The following CTNNA3 variants were observed in gnomAD, a reference collection of about 807,000 sequenced individuals.
CTNNA3 encodes the protein catenin alpha 3.
Under a neutral mutation model 95.7 loss-of-function variants are expected in CTNNA3, and 76 were observed. The ratio of observed to expected loss-of-function variants is 0.79; its 90% CI spans 0.66 to 0.96. The LOEUF (loss-of-function observed/expected upper bound fraction) is 0.96, where lower values mean the gene tolerates loss of function less well. Among genes scored for constraint, CTNNA3 ranks in the 40% least tolerant of loss-of-function variants. CTNNA3 has a pLI of 0.00. For missense variants in CTNNA3, 1,191 were observed against 1,089.8 expected, an observed-to-expected ratio of 1.09 and a Z score of -1.31; for synonymous variants, 431 against 374.4, an observed-to-expected ratio of 1.15 and a Z score of -1.74.
At chr10:67,579,341 A>C (rs903627931) in intron 3 of CTNNA3, among the ~76,000 whole-genome samples, 2 of 151,710 alleles carry the variant, frequency 1.3e-5, no homozygotes, top group African/African-American at 2.4e-5. Context: ...GCTCAGAATG[A>C]TGGTTACCAG....
intron 12 of CTNNA3, among the ~76,000 whole-genome samples, chr10:66,284,079 A>G (rs895867531): frequency 7.2e-5 from 11 of 151,908 alleles, no homozygotes; most frequent in Non-Finnish European, 1.6e-4. Flanking sequence ...TTTGGAGTGT[A>G]GATTTATCAA....
In CTNNA3 at chr10:67,521,893, C is replaced by T; in HGVS notation, c.528G>A (p.Lys176=). 1 of 1,612,952 alleles carries T rather than the reference C, an allele frequency of 6.2e-7. No individual in the cohort carries two copies. The highest frequency in any genetic ancestry group is 8.5e-7 in the Non-Finnish European group (1 of 1,179,156). ...NKSDLQKTYQ[K]LGKELENLDY... ...CCAAATTTTCCAGCTCCTTCCCAAG[C>T]TTCTGGTAGGTTTTCTGGAGGTCAG... Residue 176 remains lysine, a synonymous_variant, in exon 5 of 18, where the codon AAG becomes AAA. Transcript: ENST00000433211.
chr10:67,646,627 A>G (rs571349141), intron 2 of CTNNA3, among the ~76,000 whole-genome samples: 146 of 152,250 alleles, frequency 9.6e-4, no homozygotes, highest in African/African-American at 3.3e-3. Context: ...TATTTAAATT[A>G]TCTGAGGAAA....
At chr10:67,687,705 C>A (rs1205124144) in intron 1 of CTNNA3, among the ~76,000 whole-genome samples, 1 of 152,138 alleles carries the variant, frequency 6.6e-6, no homozygotes, top group Non-Finnish European at 1.5e-5. Flanking sequence ...AATCAATTGA[C>A]CCTCGAGTGG....
intron 7 of CTNNA3, among the ~76,000 whole-genome samples, chr10:66,945,811 G>T (rs1176703250): frequency 6.6e-6 from 1 of 152,128 alleles, no homozygotes; most frequent in South Asian, 2.1e-4. Flanking sequence ...TTTCAACTTT[G>T]ATGTGTCTCA....
At chr10:67,248,688 A>G (rs1865995586) in intron 5 of CTNNA3, among the ~76,000 whole-genome samples, 1 of 152,126 alleles carries the variant, frequency 6.6e-6, no homozygotes, top group Admixed American at 6.6e-5. Flanking sequence ...CAGCCTCCTG[A>G]AAGTGCTGGA....
chr10:66,381,209 A>C (rs1226884020), intron 11 of CTNNA3, among the ~76,000 whole-genome samples: 1 of 152,118 alleles, frequency 6.6e-6, no homozygotes, highest in Non-Finnish European at 1.5e-5. Flanking sequence ...TCCTGTGGGC[A>C]TATTAGAACC....
At chr10:67,670,767 C>A (rs1840415145) in intron 1 of CTNNA3, among the ~76,000 whole-genome samples, 1 of 152,160 alleles carries the variant, frequency 6.6e-6, no homozygotes, top group Non-Finnish European at 1.5e-5. Context: ...TCCCTGTTCT[C>A]AGTTCCATTC....
intron 9 of CTNNA3, among the ~76,000 whole-genome samples, chr10:66,624,434 G>A (rs896679169): frequency 1.3e-5 from 2 of 152,126 alleles, no homozygotes; most frequent in African/African-American, 4.8e-5. Context: ...CATACTCTCA[G>A]AGGTTTTGTA....
chr10:67,366,714 C>T (rs1025900157), intron 5 of CTNNA3, among the ~76,000 whole-genome samples: 2 of 151,942 alleles, frequency 1.3e-5, no homozygotes, highest in African/African-American at 4.8e-5. Context: ...CACCTACAAC[C>T]ATCTGCTCTT....
intron 5 of CTNNA3, among the ~76,000 whole-genome samples, chr10:67,258,289 G>A (rs1246817983): frequency 1.2e-4 from 19 of 152,060 alleles, no homozygotes; most frequent in Admixed American, 7.9e-4. Context: ...GACTACAGGT[G>A]CACACCACCA....
chr10:67,252,218 CAAA>C (rs34502404), intron 5 of CTNNA3, among the ~76,000 whole-genome samples: 8 of 87,216 alleles, frequency 9.2e-5, no homozygotes, highest in Non-Finnish European at 5.3e-5. Context: ...AACACTGTCT[CAAA>C]AAAAAAAAAA....
chr10:67,596,918 G>C (rs566633737), intron 3 of CTNNA3, among the ~76,000 whole-genome samples: 2 of 152,142 alleles, frequency 1.3e-5, no homozygotes, highest in South Asian at 4.2e-4. Context: ...CATAGATTTG[G>C]TCTCTTTACA....
intron 11 of CTNNA3, among the ~76,000 whole-genome samples, chr10:66,511,032 T>C (rs1240446856): frequency 6.6e-6 from 1 of 151,828 alleles, no homozygotes; most frequent in Non-Finnish European, 1.5e-5. Context: ...TTTTCTTTTT[T>C]GAGAGACTTT....
intron 7 of CTNNA3, among the ~76,000 whole-genome samples, chr10:66,834,310 C>T (rs557734725): frequency 3.3e-5 from 5 of 152,338 alleles, no homozygotes; most frequent in South Asian, 2.1e-4. Flanking sequence ...CAAGATATTA[C>T]GTCCTAAGGG....
rs16924633 is a variant in CTNNA3, at chr10:67,553,186, C to T, written c.293-13517G>A. 0.029 allele frequency among the ~76,000 whole-genome samples: 4,439 copies of T among 152,256 alleles called. 449 individuals are homozygous for T. The East Asian group carries it at 0.36, about 13-fold the overall frequency. On this transcript the variant is annotated intron_variant, in intron 3 of 17. Transcript: ENST00000433211. The stretch of plus-strand genomic sequence containing the variant: ...GAACATGCTCTTCAATAAAGTTCAA[C>T]AACTCCTTTCTCTCCATAATAGACC...
intron 17 of CTNNA3, among the ~76,000 whole-genome samples, chr10:65,944,542 G>C (rs1428943729): frequency 6.6e-6 from 1 of 152,186 alleles, no homozygotes; most frequent in Non-Finnish European, 1.5e-5. Flanking sequence ...ATAATTAAGG[G>C]GGAAGGCAAA....
At chr10:67,254,504 A>T (rs187249717) in intron 5 of CTNNA3, among the ~76,000 whole-genome samples, 11 of 152,220 alleles carry the variant, frequency 7.2e-5, no homozygotes, top group African/African-American at 2.6e-4. Context: ...TGGCACTGGA[A>T]CCTAGGTCTT....
intron 14 of CTNNA3, among the ~76,000 whole-genome samples, chr10:66,070,505 T>C (rs555689120): frequency 6.6e-5 from 10 of 152,292 alleles, no homozygotes; most frequent in Admixed American, 2.6e-4. Flanking sequence ...GTGCTTCTCT[T>C]TACATTCTGT....
Sources: allele counts gnomAD v4.1 joint callset (sites outside exome capture counted in the v4.1 genomes callset), GRCh38; gene constraint gnomAD v4.1.1; transcripts MANE v1.5; gene names NCBI Gene and HGNC (gene_info 2026-07-23, HGNC 2026-07-21).